Variants in CPN1 observed in about 807,000 individuals in gnomAD.
The protein encoded by CPN1 is carboxypeptidase N subunit 1.
In CPN1, 37 loss-of-function variants were observed where a neutral mutation model predicts 46.4. The observed-to-expected ratio is 0.80, with a 90% CI of 0.61 to 1.05. CPN1 has a LOEUF of 1.05. Among genes scored for constraint, CPN1 ranks in the 50% least tolerant of loss-of-function variants. The pLI, the probability that CPN1 is intolerant of heterozygous loss-of-function variation, is 0.00. For synonymous variants in CPN1, 224 were observed against 235.4 expected (o/e 0.95, Z 0.44); for missense variants, 563 against 602.6 (o/e 0.93, Z 0.69).
At chr10:100,048,908 T>C (rs2041333171) in intron 7 of CPN1, 32 bp from the exon 8 acceptor site, 1 of 1,531,432 alleles carries the variant, frequency 6.5e-7, no homozygotes, top group Non-Finnish European at 9.0e-7. Flanking sequence ...CTCAGTCTAC[T>C]GATTAAAAAT....
intron 8 of CPN1, among the ~76,000 whole-genome samples, chr10:100,047,023 G>A (rs1317396933): frequency 1.3e-5 from 2 of 151,608 alleles, no homozygotes; most frequent in Non-Finnish European, 2.9e-5. Context: ...GGAGTGAGCC[G>A]AGATTGAGCC....
At chr10:100,073,122 C>G (rs76437503) in intron 2 of CPN1, among the ~76,000 whole-genome samples, 2,238 of 152,202 alleles carry the variant, frequency 0.015, 35 homozygotes, top group East Asian at 0.07. Context: ...TTCATGGCAC[C>G]CTGCTTGTAT....
intron 1 of CPN1, among the ~76,000 whole-genome samples, chr10:100,080,268 G>A (rs905559729): frequency 6.6e-6 from 1 of 152,098 alleles, no homozygotes; most frequent in African/African-American, 2.4e-5. Context: ...CAACTTAAAT[G>A]TCCATCAATA....
At chr10:100,042,781 A>G (rs1172742437) in intron 8 of CPN1, among the ~76,000 whole-genome samples, 2 of 152,062 alleles carry the variant, frequency 1.3e-5, no homozygotes, top group Non-Finnish European at 2.9e-5. Flanking sequence ...AACTTAATAT[A>G]CATTGATTTT....
At chr10:100,042,613 C>A in intron 8 of CPN1, 40 bp from the exon 9 acceptor site, 1 of 1,612,660 alleles carries the variant, frequency 6.2e-7, no homozygotes, top group African/African-American at 1.3e-5. Flanking sequence ...TCCGTTTGGA[C>A]CATCTTTTGC....
At chr10:100,074,011 G>T (rs564868307) in intron 2 of CPN1, among the ~76,000 whole-genome samples, 4 of 150,602 alleles carry the variant, frequency 2.7e-5, no homozygotes, top group African/African-American at 4.9e-5. Context: ...AAGGACCCTC[G>T]TAATTGATTA....
At chr10:100,044,340 CAAAGAAAACA>C (rs1230770735) in intron 8 of CPN1, among the ~76,000 whole-genome samples, 3 of 152,160 alleles carry the variant, frequency 2.0e-5, no homozygotes, top group African/African-American at 7.2e-5. Context: ...TGGGGAAAAG[CAAAGAAAACA>C]CTGGGCCCCG....
chr10:100,052,356 C>A (rs1395771675), intron 7 of CPN1, among the ~76,000 whole-genome samples: 1 of 151,908 alleles, frequency 6.6e-6, no homozygotes, highest in Non-Finnish European at 1.5e-5. Context: ...CAGGTGTGAG[C>A]CACCGCTCCT....
chr10:100,062,916 A>G (rs576558596), intron 5 of CPN1, among the ~76,000 whole-genome samples: 76 of 151,562 alleles, frequency 5.0e-4, no homozygotes, highest in African/African-American at 1.7e-3. Flanking sequence ...ATTCTTAATT[A>G]CAGATGAGGA....
intron 8 of CPN1, among the ~76,000 whole-genome samples, chr10:100,045,673 T>C (rs2133423546): frequency 6.6e-6 from 1 of 152,340 alleles, no homozygotes. Context: ...CTATGTGATA[T>C]TACACAAGTT....
At chr10:100,055,813 C>T (rs1032730796) in intron 6 of CPN1, among the ~76,000 whole-genome samples, 4 of 152,208 alleles carry the variant, frequency 2.6e-5, no homozygotes, top group African/African-American at 9.6e-5. Flanking sequence ...CATGAGCCAC[C>T]ACGCCTAGAG....
intron 3 of CPN1, among the ~76,000 whole-genome samples, chr10:100,067,939 G>C (rs928251957): frequency 6.6e-6 from 1 of 151,878 alleles, no homozygotes; most frequent in Non-Finnish European, 1.5e-5. Flanking sequence ...AGATCACAAG[G>C]CCAGGAGTTC....
Position 100,081,641 on chromosome 10 carries a change from C to T in CPN1, c.-16G>A, listed in dbSNP as rs1365210612. 2 of 1,610,796 alleles carry T rather than the reference C, an allele frequency of 1.2e-6. No homozygotes were observed. The highest frequency in any genetic ancestry group is 8.5e-7 in the Non-Finnish European group (1 of 1,177,570). On this transcript the variant is annotated 5_prime_UTR_variant, in exon 1 of 9. Transcript: ENST00000370418. ...GGTCTGACATCTTGCTGGGCTTTTTCAAAGAGAGCCACTGAAACGCGCCCC... is the reference window on the plus strand; with the variant it reads ...GGTCTGACATCTTGCTGGGCTTTTTTAAAGAGAGCCACTGAAACGCGCCCC...
intron 3 of CPN1, 36 bp from the exon 4 acceptor site, chr10:100,065,406 A>C (rs1249273815): frequency 2.4e-5 from 39 of 1,612,142 alleles, no homozygotes; most frequent in Non-Finnish European, 3.3e-5. Flanking sequence ...TGAAGGGCCA[A>C]CTGGGGCTAC....
intron 1 of CPN1, among the ~76,000 whole-genome samples, chr10:100,079,687 G>C (rs973703336): frequency 2.0e-5 from 3 of 152,232 alleles, no homozygotes; most frequent in African/African-American, 7.2e-5. Flanking sequence ...CCAGTCCATT[G>C]AGTGTGAGGC....
chr10:100,078,482 C>A (rs913442234), intron 1 of CPN1, among the ~76,000 whole-genome samples: 2 of 152,214 alleles, frequency 1.3e-5, no homozygotes, highest in African/African-American at 4.8e-5. Flanking sequence ...GGTCTCCCTG[C>A]AGCTGCCTAG....
Position 100,081,541 on chromosome 10 carries a change from C to G in CPN1, c.85G>C (p.Asp29His). Residue 29 changes from aspartate (D) to histidine (H), a missense_variant, in exon 1 of 9, where the codon GAT becomes CAT. Coordinates refer to ENST00000370418, the MANE Select transcript of CPN1 (RefSeq NM_001308.3). ...APVTFRHHRY[D>H]DLVRTLYKVQ... ...TTGTACAGCGTCCGCACAAGATCAT[C>G]ATAGCGGTGGTGGCGAAAGGTCACC... The G allele has an allele frequency of 6.2e-7, 1 of 1,614,194 alleles. No individual in the cohort carries two copies. Among genetic ancestry groups the G allele is most frequent in the East Asian group, 2.2e-5 (1 of 44,882 alleles).
At chr10:100,059,462 C>G (rs1485252921) in intron 5 of CPN1, among the ~76,000 whole-genome samples, 1 of 151,852 alleles carries the variant, frequency 6.6e-6, no homozygotes, top group Non-Finnish European at 1.5e-5. Flanking sequence ...CTTGAATAGA[C>G]ATTTCTCCAA....
In CPN1 at chr10:100,057,214, ATC is replaced by A. The variant is rs143421246; in HGVS notation, c.872-64_872-63del. ...AGGTTCCCACCCAATGCCCCATCTC[ATC>A]TCTCTCTCTCTCTTTTTAAAATTTT... On this transcript the variant is annotated intron_variant, in intron 5 of 8. Transcript: ENST00000370418. The A allele has an allele frequency of 1.9e-3, 2,929 of 1,524,400 alleles. 9 individuals carry two copies. Among genetic ancestry groups the A allele is most frequent in the African/African-American group, 0.011 (795 of 72,014 alleles). The allele number at this position is 1,524,400 out of a possible 1,614,324, so 94.4% of individuals were successfully genotyped here. A position where few individuals can be genotyped will look rare whatever the true frequency, so the allele number is the denominator to read the frequency against.
Sources: gnomAD v4.1 joint callset for allele counts (sites outside exome capture counted in the v4.1 genomes callset) on GRCh38, gnomAD v4.1.1 for gene constraint, MANE v1.5 for transcripts, NCBI Gene and HGNC (gene_info 2026-07-23, HGNC 2026-07-21) for gene names.